The following BMP5 variants were observed in gnomAD, a reference collection of about 807,000 sequenced individuals.
The protein encoded by BMP5 is bone morphogenetic protein 5.
A neutral mutation model predicts 46.6 loss-of-function variants in BMP5; 23 were observed. The observed-to-expected ratio is 0.49, with a 90% CI of 0.35 to 0.70. The LOEUF is 0.70. BMP5 is among the 30% of genes least tolerant of loss of function. The pLI is 0.00. For synonymous variants in BMP5, 204 were observed against 191.9 expected, an observed-to-expected ratio of 1.06 and a Z score of -0.52; for missense variants, 545 against 565.6, an observed-to-expected ratio of 0.96 and a Z score of 0.37.
intron 2 of BMP5, among the ~76,000 whole-genome samples, chr6:55,806,789 C>T (rs1776001346): frequency 6.6e-6 from 1 of 152,128 alleles, no homozygotes; most frequent in Non-Finnish European, 1.5e-5. Context: ...CTTCACATCC[C>T]TTGTTAGCTG....
intron 1 of BMP5, among the ~76,000 whole-genome samples, chr6:55,866,130 CCT>C (rs1415993421): frequency 3.3e-5 from 5 of 152,050 alleles, no homozygotes; most frequent in Middle Eastern, 3.4e-3. Context: ...TGAGTTGCAC[CCT>C]CTCTTCCTCT....
At chr6:55,801,345 C>T (rs1775845037) in intron 2 of BMP5, among the ~76,000 whole-genome samples, 1 of 152,128 alleles carries the variant, frequency 6.6e-6, no homozygotes, top group South Asian at 2.1e-4. Flanking sequence ...ACTAATTCTC[C>T]CTATTTAGTT....
At chr6:55,818,646 C>A (rs1010562069) in intron 2 of BMP5, among the ~76,000 whole-genome samples, 1 of 152,000 alleles carries the variant, frequency 6.6e-6, no homozygotes, top group Non-Finnish European at 1.5e-5. Flanking sequence ...ACCTCAGAAG[C>A]TTTTTAATTT....
chr6:55,870,843 T>A (rs1470973153), intron 1 of BMP5, among the ~76,000 whole-genome samples: 2 of 152,076 alleles, frequency 1.3e-5, no homozygotes, highest in African/African-American at 2.4e-5. Context: ...ATTTAAAAAA[T>A]TTAACAACAC....
intron 2 of BMP5, among the ~76,000 whole-genome samples, chr6:55,797,614 CT>C (rs60366569): frequency 0.18 from 20,203 of 110,576 alleles, 1,240 homozygotes; most frequent in African/African-American, 0.31. Flanking sequence ...ATTTTCTTTT[CT>C]TTTTTTTTTT....
At chr6:55,828,765 G>T (rs1776590649) in intron 1 of BMP5, among the ~76,000 whole-genome samples, 1 of 151,722 alleles carries the variant, frequency 6.6e-6, no homozygotes, top group South Asian at 2.1e-4. Flanking sequence ...AATGGAGTGG[G>T]TTTAAGACAC....
Position 55,761,698 on chromosome 6 carries a change from T to G in BMP5, c.1028-1165A>C, listed in dbSNP as rs540629681. Among the ~76,000 whole-genome samples the G allele has an allele frequency of 7.9e-5, 12 of 152,238 alleles. No homozygotes were observed. The East Asian group carries it at 2.3e-3, about 29-fold the overall frequency. ...TTCACTACCCTTTTAATATTGCAAC[T>G]CTCACCCTGATACACCTGATTTCTC... On this transcript the variant is annotated intron_variant, in intron 4 of 6. Transcript: ENST00000370830.
intron 1 of BMP5, among the ~76,000 whole-genome samples, chr6:55,829,256 G>A (rs536623963): frequency 4.4e-4 from 66 of 151,680 alleles, no homozygotes; most frequent in South Asian, 8.3e-4. Flanking sequence ...GCTTACTACC[G>A]TACACTCTTC....
intron 2 of BMP5, among the ~76,000 whole-genome samples, chr6:55,802,729 A>G (rs1775879554): frequency 6.6e-6 from 1 of 151,938 alleles, no homozygotes; most frequent in African/African-American, 2.4e-5. Flanking sequence ...TTAAATATAT[A>G]TGTATTTTTG....
intron 2 of BMP5, among the ~76,000 whole-genome samples, chr6:55,810,766 A>C (rs1006096420): frequency 7.2e-5 from 11 of 152,212 alleles, no homozygotes; most frequent in Non-Finnish European, 1.3e-4. Context: ...CCTTGGTACC[A>C]AGGACATTTT....
chr6:55,829,779 A>T (rs889193507), intron 1 of BMP5, among the ~76,000 whole-genome samples: 1 of 152,054 alleles, frequency 6.6e-6, no homozygotes, highest in African/African-American at 2.4e-5. Context: ...AGAATGAATT[A>T]CGCATTGTGA....
intron 1 of BMP5, among the ~76,000 whole-genome samples, chr6:55,868,272 G>A (rs577236544): frequency 6.6e-6 from 1 of 152,094 alleles, no homozygotes; most frequent in South Asian, 2.1e-4. Context: ...TGTTTAACAA[G>A]AACAATAAAA....
chr6:55,853,152 TAAAATAAAATAAAATAAAATAAAATA>T (rs1467115735), intron 1 of BMP5, among the ~76,000 whole-genome samples: 1 of 21,010 alleles, frequency 4.8e-5, no homozygotes, highest in African/African-American at 4.5e-4. Context: ...TAAAATAAAA[TAAAATAAAATAAAATAAAATAAAATA>T]AAATAAAATA....
At chr6:55,764,021 G>A (rs1774852004) in intron 4 of BMP5, among the ~76,000 whole-genome samples, 1 of 152,126 alleles carries the variant, frequency 6.6e-6, no homozygotes, top group Non-Finnish European at 1.5e-5. Flanking sequence ...TACACTGTTG[G>A]TGGAAATGTA....
At chr6:55,819,919 C>A (rs532687305) in intron 1 of BMP5, 72 bp from the exon 2 acceptor site, 4 of 1,311,980 alleles carry the variant, frequency 3.0e-6, no homozygotes, top group African/African-American at 2.9e-5. Flanking sequence ...ATGATAAATT[C>A]TCCAGCTTTG....
chr6:55,831,386 A>T (rs1313884369), intron 1 of BMP5, among the ~76,000 whole-genome samples: 2 of 152,106 alleles, frequency 1.3e-5, no homozygotes, highest in African/African-American at 4.8e-5. Context: ...GTAAAAATTG[A>T]TTTTTTTAAG....
At chr6:55,863,988 A>T (rs1274766705) in intron 1 of BMP5, among the ~76,000 whole-genome samples, 1 of 152,116 alleles carries the variant, frequency 6.6e-6, no homozygotes, top group Non-Finnish European at 1.5e-5. Context: ...GTTTCTCAGA[A>T]GGTACACCCC....
At chr6:55,821,529 T>C (rs1776409769) in intron 1 of BMP5, among the ~76,000 whole-genome samples, 1 of 152,132 alleles carries the variant, frequency 6.6e-6, no homozygotes, top group South Asian at 2.1e-4. Context: ...GATGATGCTC[T>C]TTGGCTCTCT....
intron 1 of BMP5, among the ~76,000 whole-genome samples, chr6:55,832,627 C>CAAGTTCATAT (rs1317666522): frequency 6.6e-6 from 1 of 151,986 alleles, no homozygotes; most frequent in African/African-American, 2.4e-5. Context: ...TTAACTTATC[C>CAAGTTCATAT]AAGTTCATAA....
Sources: allele counts gnomAD v4.1 joint callset (sites outside exome capture counted in the v4.1 genomes callset), GRCh38; gene constraint gnomAD v4.1.1; transcripts MANE v1.5; gene names NCBI Gene and HGNC (gene_info 2026-07-23, HGNC 2026-07-21).